Variants in DNAJC11 observed in about 807,000 individuals in gnomAD.
DNAJC11 encodes the protein dnaJ homolog subfamily C member 11.
Under a neutral mutation model 78.6 loss-of-function variants are expected in DNAJC11, and 15 were observed. The observed-to-expected ratio is 0.19, with a 90% CI of 0.13 to 0.29. The LOEUF is 0.29. DNAJC11 is among the 10% of genes least tolerant of loss of function. The probability of loss-of-function intolerance (pLI) is 1.00; values close to 1 mark genes in which losing one functional copy is unlikely to be tolerated. For synonymous variants in DNAJC11, 292 were observed against 272.1 expected (o/e 1.07, Z -0.72); for missense variants, 547 against 709.6 (o/e 0.77, Z 2.60).
Position 6,653,851 on chromosome 1 carries a change from G to A in DNAJC11, c.507+60C>T. ...CAGACTCTCATTCCAGCTGCTTGGT[G>A]TGCTGTGCCTCATTAACTCGAGCCC... On this transcript the variant is annotated intron_variant, in intron 5 of 15. Coordinates refer to ENST00000377577, the MANE Select transcript of DNAJC11 (RefSeq NM_018198.4). This position sits in a 1 kb window ranked among gnomAD's most constrained non-coding sequence, Gnocchi z 4.5. The A allele has an allele frequency of 6.3e-7, 1 of 1,590,418 alleles. No homozygotes were observed. Among genetic ancestry groups the A allele is most frequent in the Non-Finnish European group, 8.6e-7 (1 of 1,162,548 alleles).
At chr1:6,666,380 CTTTTCTTTTTTTT>C (rs1642294446) in intron 4 of DNAJC11, among the ~76,000 whole-genome samples, 5 of 103,260 alleles carry the variant, frequency 4.8e-5, no homozygotes, top group Non-Finnish European at 8.3e-5. Context: ...TTTTTTCTTT[CTTTTCTTTTTTTT>C]TTTTTTTTTT....
chr1:6,649,712 CTT>C (rs749405921), intron 7 of DNAJC11, among the ~76,000 whole-genome samples: 11 of 143,470 alleles, frequency 7.7e-5, no homozygotes, highest in Admixed American at 1.4e-4. Context: ...TAATAACTAA[CTT>C]TTTTTTTTTT....
At chr1:6,698,826 C>T (rs1470441289) in intron 1 of DNAJC11, among the ~76,000 whole-genome samples, 1 of 149,562 alleles carries the variant, frequency 6.7e-6, no homozygotes, top group Non-Finnish European at 1.5e-5. Flanking sequence ...CCTGTAATAC[C>T]AGCTACTCTG....
rs1269265183 is a variant in DNAJC11, at chr1:6,653,994, A to G, written c.424T>C (p.Tyr142His). ...GVDATDLFDRYDEEYEDVSGS... is the reference protein window; with the variant it reads ...GVDATDLFDRHDEEYEDVSGS... Reference sequence around the variant, plus strand: ...GACACATCTTCATACTCCTCATCATAGCGATCAAAAAGGTCGGTGGCATCT... The same window carrying G: ...GACACATCTTCATACTCCTCATCATGGCGATCAAAAAGGTCGGTGGCATCT... Residue 142 changes from tyrosine (Y) to histidine (H), a missense_variant, in exon 5 of 16, where the codon TAT becomes CAT. Transcript: ENST00000377577. The surrounding 1 kb of genome is among the most constrained non-coding windows in gnomAD (Gnocchi z 4.5). 1 of 1,613,520 alleles carries G rather than the reference A, an allele frequency of 6.2e-7. No individual in the cohort carries two copies. Among genetic ancestry groups the G allele is most frequent in the Non-Finnish European group, 8.5e-7 (1 of 1,179,656 alleles).
rs76715666 is a variant in DNAJC11 at position 6,644,536 on chromosome 1, G to A, written c.1097+22C>T. On this transcript the variant is annotated intron_variant, in intron 10 of 15. Coordinates refer to ENST00000377577, the MANE Select transcript of DNAJC11 (RefSeq NM_018198.4). ...GAAGGTGACAGGCATTCCTTGACCCGAAAGGCCTAAGTTCAACTTACTTGA... is the reference window on the plus strand; with the variant it reads ...GAAGGTGACAGGCATTCCTTGACCCAAAAGGCCTAAGTTCAACTTACTTGA... 5,439 of 1,556,366 alleles carry A rather than the reference G, an allele frequency of 3.5e-3. 149 individuals are homozygous for A. The African/African-American group carries it at 0.065, about 18-fold the overall frequency.
chr1:6,668,936 C>T (rs753077078), intron 3 of DNAJC11, among the ~76,000 whole-genome samples: 5 of 152,086 alleles, frequency 3.3e-5, no homozygotes, highest in Non-Finnish European at 7.4e-5. Flanking sequence ...CCTGTAATCC[C>T]AGCACTTTGG....
chr1:6,688,641 G>T lies in DNAJC11; in HGVS notation c.73-7604C>A, dbSNP rs540291442. On this transcript the variant is annotated intron_variant, in intron 1 of 15. Transcript: ENST00000377577. Reference sequence around the variant, plus strand: ...ATGAGGCAGAAAGAAGTTCACAGAAGTCAGAATGCAAAGAAAACTTCATGG... The same window carrying T: ...ATGAGGCAGAAAGAAGTTCACAGAATTCAGAATGCAAAGAAAACTTCATGG... Among the ~76,000 whole-genome samples, 4 of 152,284 alleles carry T rather than the reference G, an allele frequency of 2.6e-5. 1 individual carries two copies. In the South Asian group the frequency reaches 8.3e-4, roughly 32 times the overall value.
chr1:6,635,063 C>T lies in DNAJC11; in HGVS notation c.*612G>A, dbSNP rs1043681. On this transcript the variant is annotated 3_prime_UTR_variant, in exon 16 of 16. Coordinates refer to ENST00000377577, the MANE Select transcript of DNAJC11 (RefSeq NM_018198.4). Reference sequence around the variant, plus strand: ...CAAGCCGAGGGGGCCGGTGGAATGACTTGAGCAGCTCTGGGAGTGGGGAAA... The same window carrying T: ...CAAGCCGAGGGGGCCGGTGGAATGATTTGAGCAGCTCTGGGAGTGGGGAAA... 0.68 allele frequency: 157,805 copies of T among 231,772 alleles called. 54,413 individuals carry two copies. The highest frequency in any genetic ancestry group is 0.81 in the Middle Eastern group (403 of 496). The allele number at this position is 231,772 out of a possible 1,614,324, so 14.4% of individuals were successfully genotyped here. A position where few individuals can be genotyped will look rare whatever the true frequency, so the allele number is the denominator to read the frequency against.
At position 6,637,229 on chromosome 1, in the gene DNAJC11, T is replaced by C; in HGVS notation, c.1493A>G (p.Asp498Gly). ...VTVPLQCLVK[D>G]SKLILTEASK... ...GGCCTCCGTGAGGATGAGCTTCGAG[T>C]CCTTCACCAGGCACTGCAGGGGCAC... The change falls in exon 14 of 16, where the codon GAC becomes GGC. Residue 498 changes from aspartate to glycine, a missense_variant. By Grantham distance (94) the Asp-to-Gly change is moderately conservative. Transcript: ENST00000377577. 6.2e-7 allele frequency: 1 copy of C among 1,614,056 alleles called. No homozygotes were observed. The highest frequency in any genetic ancestry group is 8.5e-7 in the Non-Finnish European group (1 of 1,180,010).
At chr1:6,688,160 G>C (rs141024495) in intron 1 of DNAJC11, among the ~76,000 whole-genome samples, 114 of 152,282 alleles carry the variant, frequency 7.5e-4, no homozygotes, top group African/African-American at 2.6e-3. Context: ...CAGCGAAAGG[G>C]AAAAGCCATT....
intron 7 of DNAJC11, 139 bp from the exon 8 acceptor site, chr1:6,646,117 CAGG>C (rs946487012): frequency 3.8e-5 from 30 of 792,432 alleles, no homozygotes; most frequent in Non-Finnish European, 5.6e-5. Flanking sequence ...AAAAAAAAAG[CAGG>C]AGGTCAGGCC....
chr1:6,699,693 T>C (rs1319006934), intron 1 of DNAJC11, among the ~76,000 whole-genome samples: 1 of 152,144 alleles, frequency 6.6e-6, no homozygotes, highest in Non-Finnish European at 1.5e-5. Flanking sequence ...CCATGGCTCA[T>C]GTTTACCTAT....
chr1:6,638,746 C>T (rs970267443), intron 11 of DNAJC11, among the ~76,000 whole-genome samples: 3 of 152,312 alleles, frequency 2.0e-5, no homozygotes, highest in Non-Finnish European at 2.9e-5. Flanking sequence ...AGGCTAGTCT[C>T]GAACTCCTGG....
intron 3 of DNAJC11, among the ~76,000 whole-genome samples, chr1:6,671,929 G>C (rs951103582): frequency 6.6e-5 from 10 of 151,904 alleles, no homozygotes; most frequent in African/African-American, 2.4e-4. Context: ...CCGCTTCCAG[G>C]GTTCAAGCAA....
intron 10 of DNAJC11, among the ~76,000 whole-genome samples, chr1:6,641,102 T>A (rs535196833): frequency 6.6e-6 from 1 of 152,150 alleles, no homozygotes; most frequent in East Asian, 1.9e-4. Context: ...CACTCAAAAC[T>A]TGGCCAGGCT....
At chr1:6,676,688 AAC>A (rs934208040) in intron 3 of DNAJC11, among the ~76,000 whole-genome samples, 1 of 151,636 alleles carries the variant, frequency 6.6e-6, no homozygotes, top group Non-Finnish European at 1.5e-5. Context: ...CTCTCTCACA[AAC>A]ACACACACAC....
At chr1:6,666,560 T>C (rs1642297980) in intron 4 of DNAJC11, among the ~76,000 whole-genome samples, 1 of 151,846 alleles carries the variant, frequency 6.6e-6, no homozygotes, top group South Asian at 2.1e-4. Flanking sequence ...CCACCATGCC[T>C]GGCTAATTTT....
Position 6,692,609 on chromosome 1 carries a change from AT to A in DNAJC11, c.72+9119del, listed in dbSNP as rs35568963. 4.2e-4 allele frequency among the ~76,000 whole-genome samples: 53 copies of A among 127,372 alleles called. No homozygotes were observed. In the East Asian group the frequency reaches 5.1e-3, roughly 12 times the overall value. 83.6% of individuals were successfully genotyped at this position (127,372 alleles called of 152,430 possible). A position where few individuals can be genotyped will look rare whatever the true frequency, so the allele number is the denominator to read the frequency against. On this transcript the variant is annotated intron_variant, in intron 1 of 15. Coordinates refer to ENST00000377577, the MANE Select transcript of DNAJC11 (RefSeq NM_018198.4). Reference sequence around the variant, plus strand: ...ACAGAAAGTAAAAAATGCTTCAGGAATTTTTTTTTTTTTTTTTTGAGATGGA... The same window carrying A: ...ACAGAAAGTAAAAAATGCTTCAGGAATTTTTTTTTTTTTTTTTGAGATGGA...
At position 6,640,001 on chromosome 1, in the gene DNAJC11, A is replaced by G. The variant is rs1325355482; in HGVS notation, c.1154T>C (p.Leu385Pro). ...GGTGGCATAGAACATGGCGCTGGGC[A>G]GAAGCTGGTCCGTCAAGTGAATAGG... ...FFPIHLTDQL[L>P]PSAMFYATVG... The change falls in exon 11 of 16, where the codon CTG (leucine) becomes CCG (proline). Residue 385 changes from leucine to proline, a missense_variant. Physicochemically the swap from Leu to Pro is moderately conservative, Grantham distance 98 (BLOSUM62 -3). Coordinates refer to ENST00000377577, the MANE Select transcript of DNAJC11 (RefSeq NM_018198.4). 6.2e-7 allele frequency: 1 copy of G among 1,611,144 alleles called. No homozygotes were observed. The highest frequency in any genetic ancestry group is 1.7e-5 in the Admixed American group (1 of 59,688).
Sources: gnomAD v4.1 joint callset for allele counts (sites outside exome capture counted in the v4.1 genomes callset) on GRCh38, gnomAD v4.1.1 for gene constraint, Gnocchi (gnomAD v3.1) non-coding constraint, MANE v1.5 for transcripts, NCBI Gene and HGNC (gene_info 2026-07-23, HGNC 2026-07-21) for gene names.